ZNF577: variants seen among roughly 807,000 people sequenced by gnomAD.
The protein encoded by ZNF577 is zinc finger protein 577.
ZNF577 carries 14 observed loss-of-function variants against 13.9 expected under a neutral mutation model. That is an observed-to-expected ratio of 1.00 (90% CI 0.66 to 1.57). ZNF577 has a LOEUF of 1.57. Ranked by LOEUF, ZNF577 falls within the 40% of genes most tolerant of loss-of-function variation. The pLI, the probability that ZNF577 is intolerant of heterozygous loss-of-function variation, is 0.00. For synonymous variants in ZNF577, 203 were observed against 202.9 expected, an observed-to-expected ratio of 1.00 and a Z score of 0.00; for missense variants, 555 against 579.2, an observed-to-expected ratio of 0.96 and a Z score of 0.43.
Position 51,880,222 on chromosome 19 carries a change from C to G in ZNF577, c.60+101G>C. 2.5e-6 allele frequency: 3 copies of G among 1,213,782 alleles called. No individual in the cohort carries two copies. In the South Asian group the frequency reaches 3.7e-5, roughly 15 times the overall value. 75.2% of individuals were successfully genotyped at this position (1,213,782 alleles called of 1,614,324 possible). A position where few individuals can be genotyped will look rare whatever the true frequency, so the allele number is the denominator to read the frequency against. ...ACAGGAAAAAGCCATAGAAAACATC[C>G]CATGCCTTTATTACAAGGCTGACTT... On this transcript the variant is annotated intron_variant, in intron 3 of 5. Coordinates refer to ENST00000638348, the MANE Select transcript of ZNF577 (RefSeq NM_001370449.1).
chr19:51,854,678 A>G (rs62107462), intron 5 of ZNF577, among the ~76,000 whole-genome samples: 1,664 of 150,968 alleles, frequency 0.011, 7 homozygotes, highest in Admixed American at 0.017. Flanking sequence ...AATAATTTTC[A>G]TCAAATTTGG....
chr19:51,840,045 G>A (rs1001805716), exon 9 of ZNF577: 3 of 152,228 alleles, frequency 2.0e-5, no homozygotes, highest in Non-Finnish European at 4.4e-5. Context: ...CGTGCACATG[G>A]AAGCAGCAGT....
At chr19:51,865,279 T>G (rs926290867), downstream of ZNF577, among the ~76,000 whole-genome samples, 1 of 152,206 alleles carries the variant, frequency 6.6e-6, no homozygotes, top group African/African-American at 2.4e-5. Flanking sequence ...GTATTTTTAG[T>G]AGAGACAGGG....
chr19:51,834,109 G>A (rs1367942999), intron 9 of ZNF577, among the ~76,000 whole-genome samples: 1 of 152,024 alleles, frequency 6.6e-6, no homozygotes, highest in Admixed American at 6.6e-5. Context: ...TACTGGAGTA[G>A]GGGCAGGGTC....
At chr19:51,882,618 CA>C (rs1010889247) in intron 1 of ZNF577, among the ~76,000 whole-genome samples, 3 of 150,926 alleles carry the variant, frequency 2.0e-5, no homozygotes, top group Non-Finnish European at 3.0e-5. Flanking sequence ...CTTGTCTCTA[CA>C]AAAAAAAATT....
At chr19:51,820,966 A>G (rs1044304307) in intron 9 of ZNF577, among the ~76,000 whole-genome samples, 14 of 152,162 alleles carry the variant, frequency 9.2e-5, no homozygotes, top group African/African-American at 3.4e-4. Flanking sequence ...CATGTGAGTA[A>G]TGTTCATAAG....
Position 51,872,402 on chromosome 19 carries a change from T to C in ZNF577, c.*130A>G. On this transcript the variant is annotated 3_prime_UTR_variant, in exon 6 of 6. Coordinates refer to ENST00000638348, the MANE Select transcript of ZNF577 (RefSeq NM_001370449.1). ...ATGATTTCAATGGTGTTTAACAGGT[T>C]TGACTTCTCACAGAAATGTCCTCCA... 1.3e-6 allele frequency: 1 copy of C among 742,780 alleles called. No homozygotes were observed. The highest frequency in any genetic ancestry group is 2.1e-6 in the Non-Finnish European group (1 of 473,032). The allele number at this position is 742,780 out of a possible 1,614,324, so 46.0% of individuals were successfully genotyped here.
At chr19:51,884,696 T>G (rs907982306) in intron 1 of ZNF577, among the ~76,000 whole-genome samples, 1 of 152,184 alleles carries the variant, frequency 6.6e-6, no homozygotes, top group South Asian at 2.1e-4. Flanking sequence ...TTTTCATCCT[T>G]CCTTCTTTTC....
chr19:51,819,825 A>C (rs982720660), intron 9 of ZNF577, among the ~76,000 whole-genome samples: 1 of 152,192 alleles, frequency 6.6e-6, no homozygotes, highest in African/African-American at 2.4e-5. Context: ...TTTCTTTTTA[A>C]AGGGAAGGGA....
intron 9 of ZNF577, among the ~76,000 whole-genome samples, chr19:51,827,132 G>A (rs2084236234): frequency 6.6e-6 from 1 of 152,082 alleles, no homozygotes; most frequent in African/African-American, 2.4e-5. Context: ...TAATCTTAGG[G>A]CCTTTCATTA....
downstream of ZNF577, chr19:51,862,980 G>C (rs562259397): frequency 1.3e-5 from 2 of 152,304 alleles, no homozygotes; most frequent in African/African-American, 4.8e-5. Flanking sequence ...CACATTTGCT[G>C]CATGTACAGA....
chr19:51,838,002 C>A (rs1413675993), intron 9 of ZNF577, among the ~76,000 whole-genome samples: 1 of 152,134 alleles, frequency 6.6e-6, no homozygotes, highest in Non-Finnish European at 1.5e-5. Flanking sequence ...AAAAACCCAG[C>A]CCAGATGACA....
At chr19:51,853,477 C>T (rs926172672) in intron 5 of ZNF577, among the ~76,000 whole-genome samples, 1 of 152,174 alleles carries the variant, frequency 6.6e-6, no homozygotes, top group Non-Finnish European at 1.5e-5. Context: ...TTCTCTTTTA[C>T]CTGCTGGATC....
Position 51,829,520 on chromosome 19 carries a change from C to A in ZNF577, c.*599+10373G>T, listed in dbSNP as rs556571633. Among the ~76,000 whole-genome samples, 181 of 152,282 alleles carry A rather than the reference C, an allele frequency of 1.2e-3. 1 individual carries two copies. Among genetic ancestry groups the A allele is most frequent in the South Asian group, 5.0e-3 (24 of 4,824 alleles). On this transcript the variant is annotated intron_variant and NMD_transcript_variant, in intron 9 of 10. Coordinates refer to the ZNF577 transcript ENST00000638827. ...AGCCAAATCCTCTTCTGAAGCTATG[C>A]AAATCCCAGGCCTTCCAAGAAGGTT...
chr19:51,859,733 A>G (rs2084476628), intron 5 of ZNF577, among the ~76,000 whole-genome samples: 2 of 152,164 alleles, frequency 1.3e-5, no homozygotes, highest in Admixed American at 6.5e-5. Flanking sequence ...AATGAGTCAA[A>G]TATGTATTAC....
exon 6 of ZNF577, chr19:51,844,926 C>T (rs1703470684): frequency 6.6e-6 from 1 of 152,124 alleles, no homozygotes; most frequent in Non-Finnish European, 1.5e-5. Flanking sequence ...TCTAAGAAGT[C>T]AGCATCTATG....
intron 9 of ZNF577, among the ~76,000 whole-genome samples, chr19:51,822,788 C>T (rs779698442): frequency 1.2e-4 from 18 of 152,076 alleles, no homozygotes; most frequent in South Asian, 4.1e-4. Context: ...GAAAAGCAGA[C>T]GGGAGAAAGT....
At chr19:51,857,234 G>A (rs778149755) in intron 5 of ZNF577, among the ~76,000 whole-genome samples, 4 of 151,856 alleles carry the variant, frequency 2.6e-5, no homozygotes, top group African/African-American at 9.7e-5. Flanking sequence ...GGGAGGCGGA[G>A]GCTGCAGTGA....
chr19:51,828,094 A>T lies in ZNF577; in HGVS notation c.*599+11799T>A, dbSNP rs150215664. Among the ~76,000 whole-genome samples the T allele has an allele frequency of 2.4e-4, 36 of 152,318 alleles. No homozygotes were observed. In the South Asian group the frequency reaches 3.1e-3, roughly 13 times the overall value. On this transcript the variant is annotated intron_variant and NMD_transcript_variant, in intron 9 of 10. Coordinates refer to the ZNF577 transcript ENST00000638827. Reference sequence around the variant, plus strand: ...TAGAAAATAAGGAACAAGGCTGGGCATGATGGCTGACTCCAGTAATCCCAG... The same window carrying T: ...TAGAAAATAAGGAACAAGGCTGGGCTTGATGGCTGACTCCAGTAATCCCAG...
Sources: allele counts gnomAD v4.1 joint callset (sites outside exome capture counted in the v4.1 genomes callset), GRCh38; gene constraint gnomAD v4.1.1; transcripts MANE v1.5; gene names NCBI Gene and HGNC (gene_info 2026-07-23, HGNC 2026-07-21).